PROSER1: variants seen among roughly 807,000 people sequenced by gnomAD.
The protein encoded by PROSER1 is proline and serine rich 1, also known as proline and serine-rich protein 1.
In PROSER1, 36 loss-of-function variants were observed where a neutral mutation model predicts 71.8. The observed-to-expected ratio is 0.50, with a 90% confidence interval of 0.38 to 0.66. The LOEUF (loss-of-function observed/expected upper bound fraction) is 0.66. Among genes scored for constraint, PROSER1 ranks in the 30% least tolerant of loss-of-function variants. PROSER1 has a pLI of 0.00. For missense variants in PROSER1, 1,107 were observed against 1,135.0 expected (o/e 0.98, Z 0.35); for synonymous variants, 490 against 452.4 (o/e 1.08, Z -1.06).
chr13:39,025,146 T>C (rs893041223), intron 6 of PROSER1, among the ~76,000 whole-genome samples: 2 of 152,138 alleles, frequency 1.3e-5, no homozygotes, highest in Non-Finnish European at 2.9e-5. Flanking sequence ...AGAGTACCTA[T>C]GTTACAGTTG....
At chr13:39,034,590 A>G (rs1871008945) in intron 1 of PROSER1, among the ~76,000 whole-genome samples, 1 of 152,268 alleles carries the variant, frequency 6.6e-6, no homozygotes. Context: ...TTACTCATTC[A>G]TCAATTATTG....
At chr13:39,028,755 T>G (rs534314982) in intron 4 of PROSER1, among the ~76,000 whole-genome samples, 2 of 152,264 alleles carry the variant, frequency 1.3e-5, no homozygotes, top group East Asian at 3.9e-4. Context: ...AATAAATAAC[T>G]TATACATTCT....
At chr13:39,029,836 TA>T (rs1426695242) in intron 3 of PROSER1, among the ~76,000 whole-genome samples, 1 of 152,160 alleles carries the variant, frequency 6.6e-6, no homozygotes, top group Non-Finnish European at 1.5e-5. Flanking sequence ...ACACTAGCCA[TA>T]TAAGGTAGGG....
chr13:39,029,106 A>C (rs987977107), intron 4 of PROSER1, 175 bp downstream of exon 4: 1 of 425,982 alleles, frequency 2.3e-6, no homozygotes, highest in Admixed American at 4.4e-5. Context: ...TATAAGTTAT[A>C]GTCATATATG....
chr13:39,036,317 C>T (rs913759921), intron 1 of PROSER1, among the ~76,000 whole-genome samples: 34 of 152,084 alleles, frequency 2.2e-4, no homozygotes, highest in African/African-American at 7.2e-4. Flanking sequence ...AGCAAAACAG[C>T]AAGACCAGAG....
chr13:39,018,516 AC>A (rs1361561874), intron 9 of PROSER1, among the ~76,000 whole-genome samples: 1 of 148,996 alleles, frequency 6.7e-6, no homozygotes, highest in Non-Finnish European at 1.5e-5. Context: ...ACACACACAC[AC>A]TACTGGGAAA....
In PROSER1 at chr13:39,011,095, C is replaced by T; in HGVS notation, c.*270G>A. 2.8e-6 allele frequency: 1 copy of T among 361,950 alleles called. No homozygotes were observed. The highest frequency in any genetic ancestry group is 2.1e-5 in the African/African-American group (1 of 47,058). The allele number at this position is 361,950 out of a possible 1,614,324, so 22.4% of individuals were successfully genotyped here. ...ATATTCTTTCTATGTAGATCACATA[C>T]ACAATTCAAAATTTTATAGGACAGG... is the stretch of plus-strand genomic sequence containing the variant. On this transcript the variant is annotated 3_prime_UTR_variant, in exon 13 of 13. Coordinates refer to ENST00000352251, the MANE Select transcript of PROSER1 (RefSeq NM_025138.5).
chr13:39,019,411 G>A (rs931116673), intron 9 of PROSER1, among the ~76,000 whole-genome samples: 2 of 150,454 alleles, frequency 1.3e-5, no homozygotes, highest in Admixed American at 1.3e-4. Context: ...AGCTATTTGG[G>A]AGGCTGAGGC....
Position 39,019,516 on chromosome 13 carries a change from CAAAAAA to C in PROSER1, c.731-1978_731-1973del, listed in dbSNP as rs1183602451. Among the ~76,000 whole-genome samples, 3 of 40,834 alleles carry C rather than the reference CAAAAAA, an allele frequency of 7.3e-5. No homozygotes were observed. The East Asian group carries it at 2.5e-3, about 33-fold the overall frequency. The allele number at this position is 40,834 out of a possible 152,430, so 26.8% of individuals were successfully genotyped here. ...GGGCAACAAGAGCAAAACTCTGTCT[CAAAAAA>C]AAAAAAAAAAAAAAAAAAGGGAGAG... On this transcript the variant is annotated intron_variant, in intron 9 of 12. Transcript: ENST00000352251.
At chr13:39,029,247 TAAAAAA>T (rs34146778) in intron 4 of PROSER1, 28 bp downstream of exon 4, 25,812 of 733,614 alleles carry the variant, frequency 0.035, 44 homozygotes, top group East Asian at 0.06. Context: ...TTTTCCCAAG[TAAAAAA>T]AAAAAAAAAA....
intron 10 of PROSER1, among the ~76,000 whole-genome samples, chr13:39,016,118 C>T (rs1459892149): frequency 6.6e-6 from 1 of 152,098 alleles, no homozygotes; most frequent in Non-Finnish European, 1.5e-5. Context: ...AAAAGCTATG[C>T]ATTATTAATC....
In PROSER1 at chr13:39,014,395, G is replaced by A. The variant is rs1355394658; in HGVS notation, c.857C>T (p.Ala286Val). The A allele has an allele frequency of 1.2e-6, 2 of 1,613,974 alleles. No individual in the cohort carries two copies. Among genetic ancestry groups the A allele is most frequent in the Admixed American group, 1.7e-5 (1 of 59,996 alleles). The change falls in exon 11 of 13, where the codon GCA becomes GTA. Residue 286 changes from alanine (A) to valine (V), a missense_variant. Coordinates refer to ENST00000352251, the MANE Select transcript of PROSER1 (RefSeq NM_025138.5). Reference protein sequence around the residue: ...STPAATPVPTASPVKAINHPS... With the variant: ...STPAATPVPTVSPVKAINHPS... ...ATGATTAATTGCCTTGACTGGGGAT[G>A]CAGTAGGAACAGGAGTTGCAGCAGG...
At position 39,012,312 on chromosome 13, in the gene PROSER1, CTTAAAATG is replaced by C. The variant is rs1289967826; in HGVS notation, c.2562-87_2562-80del. 1.5e-5 allele frequency: 21 copies of C among 1,443,128 alleles called. No individual in the cohort carries two copies. The African/African-American group carries it at 2.3e-4, about 16-fold the overall frequency. 89.4% of individuals were successfully genotyped at this position (1,443,128 alleles called of 1,614,324 possible). A position where few individuals can be genotyped will look rare whatever the true frequency, so the allele number is the denominator to read the frequency against. On this transcript the variant is annotated intron_variant, in intron 11 of 12. Coordinates refer to ENST00000352251, the MANE Select transcript of PROSER1 (RefSeq NM_025138.5). ...TGTTTCCATATTTGTCAAATACAAT[CTTAAAATG>C]TTAAAAACAAAACAAAAACCTTAGA...
chr13:39,021,115 G>T (rs182579246), intron 9 of PROSER1, among the ~76,000 whole-genome samples: 1 of 152,160 alleles, frequency 6.6e-6, no homozygotes, highest in Non-Finnish European at 1.5e-5. Context: ...CCAACTGGCC[G>T]TGGAACTTAG....
Position 39,029,263 on chromosome 13 carries a change from A to AG in PROSER1, c.275+17_275+18insC. On this transcript the variant is annotated intron_variant, in intron 4 of 12. Transcript: ENST00000352251. ...TTTCCCAAGTAAAAAAAAAAAAAAA[A>AG]AAAAAAGAAATACTTACGAGGCTAA... The AG allele has an allele frequency of 7.3e-7, 1 of 1,377,440 alleles. No homozygotes were observed. The highest frequency in any genetic ancestry group is 9.8e-7 in the Non-Finnish European group (1 of 1,015,258). 85.3% of individuals were successfully genotyped at this position (1,377,440 alleles called of 1,614,324 possible). A position where few individuals can be genotyped will look rare whatever the true frequency, so the allele number is the denominator to read the frequency against.
chr13:39,037,375 G>A lies in PROSER1; in HGVS notation c.-133C>T. The A allele has an allele frequency of 2.8e-6, 2 of 709,262 alleles. No individual in the cohort carries two copies. The highest frequency in any genetic ancestry group is 1.6e-5 in the South Asian group (1 of 61,926). The allele number at this position is 709,262 out of a possible 1,614,324, so 43.9% of individuals were successfully genotyped here. On this transcript the variant is annotated 5_prime_UTR_variant, in exon 1 of 13. Transcript: ENST00000352251. ...AAAGACTCCACGAGCAAGAGAGGAT[G>A]CGAAGAGGTAGAGAGTATTGCAAAC...
intron 1 of PROSER1, among the ~76,000 whole-genome samples, chr13:39,035,414 G>T (rs1871051165): frequency 6.6e-6 from 1 of 152,098 alleles, no homozygotes; most frequent in African/African-American, 2.4e-5. Context: ...TACCACCTAG[G>T]GAGTCTTGAG....
intron 10 of PROSER1, 51 bp from the exon 11 acceptor site, chr13:39,014,527 CA>C: frequency 7.4e-7 from 1 of 1,344,686 alleles, no homozygotes; most frequent in Non-Finnish European, 1.0e-6. Flanking sequence ...GCTGAAACGT[CA>C]AATTTTGAAT....
intron 10 of PROSER1, 118 bp from the exon 11 acceptor site, chr13:39,014,594 G>C: frequency 4.1e-6 from 3 of 738,444 alleles, no homozygotes; most frequent in East Asian, 2.7e-5. Context: ...AAAATGACAA[G>C]TATAACAGGC....
Sources: allele counts gnomAD v4.1 joint callset (sites outside exome capture counted in the v4.1 genomes callset), GRCh38; gene constraint gnomAD v4.1.1; transcripts MANE v1.5; gene names NCBI Gene and HGNC (gene_info 2026-07-23, HGNC 2026-07-21).